FBXO34: variants seen among roughly 807,000 people sequenced by gnomAD.
FBXO34 encodes F-box protein 34.
In FBXO34, 12 loss-of-function variants were observed where a neutral mutation model predicts 24.5. The observed-to-expected ratio is 0.49, with a 90% CI of 0.31 to 0.79. The LOEUF is 0.79. FBXO34 is among the 30% of genes least tolerant of loss of function. The pLI is 0.04. For synonymous variants in FBXO34, 320 were observed against 311.9 expected (o/e 1.03, Z -0.27); for missense variants, 823 against 857.7 (o/e 0.96, Z 0.51).
At chr14:55,319,184 C>T (rs1883041536) in intron 1 of FBXO34, among the ~76,000 whole-genome samples, 3 of 152,166 alleles carry the variant, frequency 2.0e-5, no homozygotes, top group Admixed American at 2.0e-4. Flanking sequence ...CACATATTTA[C>T]ACTTTTTTTA....
the FBXO34 span, chr14:55,395,176 T>C: frequency 2.2e-6 from 1 of 449,842 alleles, no homozygotes; most frequent in East Asian, 6.8e-5. Context: ...CGTGCCGATC[T>C]CCTCTTGGGC....
the FBXO34 span, among the ~76,000 whole-genome samples, chr14:55,396,364 G>A: frequency 6.6e-6 from 1 of 152,312 alleles, no homozygotes; most frequent in East Asian, 1.9e-4. Context: ...TGGTTCTATG[G>A]AATAAAATGT....
At chr14:55,280,300 T>C (rs955365398) in intron 1 of FBXO34, among the ~76,000 whole-genome samples, 1 of 152,140 alleles carries the variant, frequency 6.6e-6, no homozygotes, top group Non-Finnish European at 1.5e-5. Flanking sequence ...TGTGGGTTTA[T>C]CATCCATGGA....
chr14:55,429,913 T>G, the FBXO34 span, among the ~76,000 whole-genome samples: 1 of 151,902 alleles, frequency 6.6e-6, no homozygotes, highest in Non-Finnish European at 1.5e-5. Context: ...TTGGACACAC[T>G]GTCCAAAACA....
At chr14:55,373,562 C>T (rs138970029), downstream of FBXO34, among the ~76,000 whole-genome samples, 611 of 152,266 alleles carry the variant, frequency 4.0e-3, 2 homozygotes, top group African/African-American at 0.014. Flanking sequence ...TGGGTTCAAG[C>T]GATTCTCCTG....
intron 1 of FBXO34, among the ~76,000 whole-genome samples, chr14:55,337,806 C>G (rs116553704): frequency 0.014 from 2,127 of 152,266 alleles, 35 homozygotes; most frequent in African/African-American, 0.044. Flanking sequence ...CCTCCTTTCA[C>G]AGTCACACAT....
chr14:55,394,657 C>T, the FBXO34 span, among the ~76,000 whole-genome samples: 137 of 152,168 alleles, frequency 9.0e-4, no homozygotes, highest in African/African-American at 2.8e-3. Flanking sequence ...ACAGAGTGCA[C>T]GAAATTCTGA....
the FBXO34 span, chr14:55,391,413 T>G: frequency 6.6e-6 from 1 of 151,414 alleles, no homozygotes; most frequent in Non-Finnish European, 1.5e-5. Context: ...GAGGCGGAGT[T>G]TGCAGTGAGC....
rs1883586702 is a variant in FBXO34 at position 55,331,813 on chromosome 14, TACACCACCGGG to T, written c.-10-18567_-10-18557del. On this transcript the variant is annotated intron_variant, in intron 1 of 1. Coordinates refer to ENST00000313833, the MANE Select transcript of FBXO34 (RefSeq NM_017943.4). ...GTGTATATATAAATATATATATATATACACCACCGGGGTGTATATATAAAAATATATATATA... is the reference window on the plus strand; with the variant it reads ...GTGTATATATAAATATATATATATATGTGTATATATAAAAATATATATATA... 3.0e-5 allele frequency among the ~76,000 whole-genome samples: 2 copies of T among 67,672 alleles called. 1 individual carries two copies. Among genetic ancestry groups the T allele is most frequent in the African/African-American group, 1.3e-4 (2 of 15,768 alleles). 44.4% of individuals were successfully genotyped at this position (67,672 alleles called of 152,430 possible).
the FBXO34 span, among the ~76,000 whole-genome samples, chr14:55,394,729 C>G: frequency 6.6e-6 from 1 of 152,108 alleles, no homozygotes; most frequent in Non-Finnish European, 1.5e-5. Flanking sequence ...AAAAACAACA[C>G]GGGAACAGAA....
the FBXO34 span, chr14:55,436,525 C>T: frequency 2.6e-6 from 4 of 1,554,278 alleles, no homozygotes; most frequent in Non-Finnish European, 3.5e-6. Context: ...AAATGTGTAC[C>T]CAATGTGCTC....
the FBXO34 span, among the ~76,000 whole-genome samples, chr14:55,393,685 C>T: frequency 6.6e-6 from 1 of 151,862 alleles, no homozygotes; most frequent in African/African-American, 2.4e-5. Flanking sequence ...GCTGGGACTA[C>T]AGGTATATAC....
chr14:55,330,844 A>T (rs746226901), intron 1 of FBXO34, among the ~76,000 whole-genome samples: 24 of 152,126 alleles, frequency 1.6e-4, no homozygotes. Context: ...TTTTTTCTCC[A>T]TAGCCTTTTA....
intron 1 of FBXO34, among the ~76,000 whole-genome samples, chr14:55,331,159 C>A (rs867806265): frequency 6.6e-6 from 1 of 152,212 alleles, no homozygotes; most frequent in East Asian, 1.9e-4. Context: ...TATTATAATA[C>A]CCTGATCTCT....
the FBXO34 span, among the ~76,000 whole-genome samples, chr14:55,383,225 A>G: frequency 6.6e-6 from 1 of 151,942 alleles, no homozygotes; most frequent in South Asian, 2.1e-4. Context: ...CTAACCGAGG[A>G]CTGAAAATAT....
downstream of FBXO34, among the ~76,000 whole-genome samples, chr14:55,355,379 C>A (rs1236437004): frequency 6.6e-6 from 1 of 152,194 alleles, no homozygotes; most frequent in Non-Finnish European, 1.5e-5. Flanking sequence ...GGCTGGGTGC[C>A]TTTCAGCGCC....
intron 1 of FBXO34, among the ~76,000 whole-genome samples, chr14:55,306,040 C>T (rs1417550542): frequency 6.6e-6 from 1 of 152,198 alleles, no homozygotes; most frequent in African/African-American, 2.4e-5. Context: ...ATCTTAAAGG[C>T]CTACTTAAAT....
chr14:55,275,748 CG>C (rs1566536345), intron 1 of FBXO34, among the ~76,000 whole-genome samples: 1 of 144,652 alleles, frequency 6.9e-6, no homozygotes, highest in African/African-American at 2.5e-5. Flanking sequence ...GGTGTGAACC[CG>C]GAAGGCAGAG....
chr14:55,324,542 CTAAA>C (rs1883276891), intron 1 of FBXO34, among the ~76,000 whole-genome samples: 1 of 151,484 alleles, frequency 6.6e-6, no homozygotes, highest in Non-Finnish European at 1.5e-5. Context: ...TTAGACTAGA[CTAAA>C]TAATTTTTAA....
Sources: gnomAD v4.1 joint callset for allele counts (sites outside exome capture counted in the v4.1 genomes callset) on GRCh38, gnomAD v4.1.1 for gene constraint, MANE v1.5 for transcripts, NCBI Gene and HGNC (gene_info 2026-07-23, HGNC 2026-07-21) for gene names.